SLC39A11: variants seen among roughly 807,000 people sequenced by gnomAD.
SLC39A11 encodes solute carrier family 39 member 11.
SLC39A11 carries 33 observed loss-of-function variants against 36.1 expected under a neutral mutation model. The observed-to-expected ratio is 0.91, with a 90% CI of 0.69 to 1.22. The LOEUF (loss-of-function observed/expected upper bound fraction) is 1.22, where lower values mean the gene tolerates loss of function less well. SLC39A11 is among the 50% of genes most tolerant of loss of function. The pLI is 0.00. For synonymous variants in SLC39A11, 166 were observed against 170.3 expected, an observed-to-expected ratio of 0.97 and a Z score of 0.20; for missense variants, 432 against 430.3, an observed-to-expected ratio of 1.00 and a Z score of -0.03.
intron 5 of SLC39A11, among the ~76,000 whole-genome samples, chr17:72,923,352 G>A (rs960296783): frequency 6.6e-6 from 1 of 152,148 alleles, no homozygotes; most frequent in Non-Finnish European, 1.5e-5. Flanking sequence ...ATGTGGACTG[G>A]CCCTGAGTCT....
intron 5 of SLC39A11, among the ~76,000 whole-genome samples, chr17:72,938,579 C>G (rs1159999253): frequency 6.6e-6 from 1 of 152,184 alleles, no homozygotes; most frequent in Non-Finnish European, 1.5e-5. Context: ...CCAGAAGGAG[C>G]TTCTGCAAAA....
intron 6 of SLC39A11, among the ~76,000 whole-genome samples, chr17:72,815,837 C>G (rs563766325): frequency 7.2e-5 from 11 of 152,110 alleles, no homozygotes; most frequent in Non-Finnish European, 1.5e-4. Flanking sequence ...AGGAGAATCG[C>G]TTGAACCTGG....
intron 6 of SLC39A11, among the ~76,000 whole-genome samples, chr17:72,785,437 G>T (rs995637081): frequency 6.6e-6 from 1 of 152,206 alleles, no homozygotes; most frequent in Non-Finnish European, 1.5e-5. Context: ...TTGAGGAAAG[G>T]TGGTGAGGGA....
chr17:73,060,224 A>AAG (rs1172290364), intron 3 of SLC39A11, among the ~76,000 whole-genome samples: 1 of 150,682 alleles, frequency 6.6e-6, no homozygotes, highest in Non-Finnish European at 1.5e-5. Context: ...AAAAAAAAAA[A>AAG]AAAAAAGAAA....
intron 7 of SLC39A11, among the ~76,000 whole-genome samples, chr17:72,653,765 C>T (rs1158394763): frequency 6.6e-6 from 1 of 152,080 alleles, no homozygotes; most frequent in Admixed American, 6.6e-5. Flanking sequence ...ATGGAAAGCT[C>T]CATTGGATAA....
intron 5 of SLC39A11, 141 bp downstream of exon 5, chr17:72,947,611 G>A (rs1474971070): frequency 8.1e-7 from 1 of 1,239,812 alleles, no homozygotes; most frequent in African/African-American, 1.5e-5. Context: ...CCATGCAGTA[G>A]TAGGGTGAGT....
intron 5 of SLC39A11, among the ~76,000 whole-genome samples, chr17:72,928,158 T>G (rs1598446978): frequency 6.6e-6 from 1 of 152,194 alleles, no homozygotes; most frequent in African/African-American, 2.4e-5. Context: ...GTATCCAAAA[T>G]AGCAGGATGA....
At chr17:72,930,185 G>T (rs1407415410) in intron 5 of SLC39A11, among the ~76,000 whole-genome samples, 1 of 152,202 alleles carries the variant, frequency 6.6e-6, no homozygotes, top group Non-Finnish European at 1.5e-5. Flanking sequence ...CAGCAGAGAA[G>T]CCAGGGCAGC....
At chr17:73,027,473 C>T (rs1252150871) in intron 4 of SLC39A11, among the ~76,000 whole-genome samples, 1 of 152,224 alleles carries the variant, frequency 6.6e-6, no homozygotes, top group Non-Finnish European at 1.5e-5. Flanking sequence ...AGCTTCTCTA[C>T]TTTATTCCCA....
chr17:73,031,627 A>AGAAG lies in SLC39A11; in HGVS notation c.231_234dup (p.Phe79LeufsTer19). The AGAAG allele has an allele frequency of 6.2e-7, 1 of 1,614,212 alleles. No homozygotes were observed. Among genetic ancestry groups the AGAAG allele is most frequent in the African/African-American group, 1.3e-5 (1 of 75,060 alleles). On this transcript the variant is annotated frameshift_variant, in exon 4 of 10. Transcript: ENST00000255559. LOFTEE classifies it high-confidence loss of function. ...AGGGTGAAGCCAACAGCCACAGGGA[A>AGAAG]GAAGGCAAAGGCACCGAAGCCCCCA...
In SLC39A11 at chr17:72,846,272, C is replaced by T. The variant is rs370559251; in HGVS notation, c.601+3362G>A. ...CTCAAACTCCTGACCTCAAGTGATC[C>T]GCCCACCTTGGCTTCCCAAAGTGCT... On this transcript the variant is annotated intron_variant, in intron 6 of 9. Coordinates refer to ENST00000255559, the MANE Select transcript of SLC39A11 (RefSeq NM_139177.4). Among the ~76,000 whole-genome samples, 435 of 152,114 alleles carry T rather than the reference C, an allele frequency of 2.9e-3. 5 individuals carry two copies. The highest frequency in any genetic ancestry group is 9.9e-3 in the African/African-American group (411 of 41,478).
chr17:73,047,081 G>C (rs2059321330), intron 3 of SLC39A11, among the ~76,000 whole-genome samples: 1 of 145,888 alleles, frequency 6.9e-6, no homozygotes, highest in Admixed American at 7.0e-5. Context: ...CTGGAGTGCA[G>C]TGGCACCATC....
chr17:73,053,063 G>T (rs1476145051), intron 3 of SLC39A11, among the ~76,000 whole-genome samples: 1 of 152,012 alleles, frequency 6.6e-6, no homozygotes, highest in African/African-American at 2.4e-5. Context: ...TTGTTATGTT[G>T]GTGGTTACAT....
At chr17:72,802,682 G>T (rs1312198206) in intron 6 of SLC39A11, among the ~76,000 whole-genome samples, 1 of 152,082 alleles carries the variant, frequency 6.6e-6, no homozygotes, top group African/African-American at 2.4e-5. Context: ...ACTAAGGGAG[G>T]CATGTGTATG....
intron 4 of SLC39A11, among the ~76,000 whole-genome samples, chr17:73,004,101 A>G (rs2089986685): frequency 6.6e-6 from 1 of 150,906 alleles, no homozygotes; most frequent in Non-Finnish European, 1.5e-5. Context: ...AAAGGAAGAA[A>G]GAAAGAGAGA....
At chr17:72,677,494 G>A (rs1412999418) in intron 7 of SLC39A11, among the ~76,000 whole-genome samples, 1 of 152,204 alleles carries the variant, frequency 6.6e-6, no homozygotes, top group African/African-American at 2.4e-5. Flanking sequence ...ATCTCAAATT[G>A]AATGCATCTG....
At position 72,757,673 on chromosome 17, in the gene SLC39A11, A is replaced by G. The variant is rs533229948; in HGVS notation, c.602-20954T>C. ...TTTTTTTTTTTATCCCTTCCTGCCTACTTTTCTTCCCCTGGTCACTGGCTC... is the reference window on the plus strand; with the variant it reads ...TTTTTTTTTTTATCCCTTCCTGCCTGCTTTTCTTCCCCTGGTCACTGGCTC... On this transcript the variant is annotated intron_variant, in intron 6 of 9. Transcript: ENST00000255559. Among the ~76,000 whole-genome samples the G allele has an allele frequency of 1.7e-4, 25 of 145,436 alleles. No individual in the cohort carries two copies. The South Asian group carries it at 5.4e-3, about 32-fold the overall frequency.
At chr17:72,718,405 C>A (rs1233176766) in intron 7 of SLC39A11, among the ~76,000 whole-genome samples, 1 of 152,142 alleles carries the variant, frequency 6.6e-6, no homozygotes, top group Non-Finnish European at 1.5e-5. Context: ...GGCCACTGCA[C>A]CCCAGCCTGG....
intron 7 of SLC39A11, among the ~76,000 whole-genome samples, chr17:72,731,272 C>A (rs1462136098): frequency 6.6e-6 from 1 of 152,192 alleles, no homozygotes. Context: ...GTGAGTTGAA[C>A]TGTCGTTTCT....
Sources: allele counts gnomAD v4.1 joint callset (sites outside exome capture counted in the v4.1 genomes callset), GRCh38; gene constraint gnomAD v4.1.1; transcripts MANE v1.5; gene names NCBI Gene and HGNC (gene_info 2026-07-23, HGNC 2026-07-21).